The following RCL1 variants were observed in gnomAD, a reference collection of about 807,000 sequenced individuals.
RCL1 encodes RNA 3'-terminal phosphate cyclase-like protein.
RCL1 carries 24 observed loss-of-function variants against 42.4 expected under a neutral mutation model. The observed-to-expected ratio is 0.57, with a 90% confidence interval of 0.41 to 0.80. The LOEUF is 0.80. Among genes scored for constraint, RCL1 ranks in the 30% least tolerant of loss-of-function variants. The pLI, the probability that RCL1 is intolerant of heterozygous loss-of-function variation, is 0.00. For missense variants in RCL1, 578 were observed against 467.9 expected (o/e 1.24, Z -2.17); for synonymous variants, 228 against 177.3 (o/e 1.29, Z -2.27).
rs7860533 is a variant in RCL1 at position 4,856,791 on chromosome 9, T to G, written c.972-3334T>G. ...GAATTGGGGGATTTTTCTATGAGCA[T>G]CCAGCACTGACCAGAACTCCTGCCC... is the stretch of plus-strand genomic sequence containing the variant. On this transcript the variant is annotated intron_variant, in intron 8 of 8. Coordinates refer to ENST00000381750, the MANE Select transcript of RCL1 (RefSeq NM_005772.5). Among the ~76,000 whole-genome samples the G allele has an allele frequency of 1.9e-3, 288 of 152,332 alleles. 1 individual carries two copies. The highest frequency in any genetic ancestry group is 6.8e-3 in the African/African-American group (281 of 41,574).
intron 8 of RCL1, among the ~76,000 whole-genome samples, chr9:4,851,843 T>C (rs948745293): frequency 5.3e-5 from 8 of 151,846 alleles, no homozygotes; most frequent in African/African-American, 1.9e-4. Context: ...TGTTGGTGGT[T>C]TTCTGTGCTA....
At chr9:4,821,961 C>G (rs1347819547) in intron 1 of RCL1, among the ~76,000 whole-genome samples, 4 of 152,290 alleles carry the variant, frequency 2.6e-5, no homozygotes, top group Admixed American at 6.5e-5. Flanking sequence ...AGAGAACATT[C>G]AAACCATAGC....
intron 8 of RCL1, among the ~76,000 whole-genome samples, chr9:4,855,072 A>AAAAAAAAAC (rs56709677): frequency 3.6e-5 from 5 of 140,668 alleles, no homozygotes; most frequent in Admixed American, 1.5e-4. Flanking sequence ...AAAAAAAAAA[A>AAAAAAAAAC]ATAGGAAAAG....
At chr9:4,851,885 CTT>C (rs1214271046) in intron 8 of RCL1, among the ~76,000 whole-genome samples, 1 of 124,446 alleles carries the variant, frequency 8.0e-6, no homozygotes, top group Non-Finnish European at 1.6e-5. Flanking sequence ...GTGTGAAACT[CTT>C]TTTTTTTTTT....
At chr9:4,840,254 G>T (rs1817269502) in intron 5 of RCL1, among the ~76,000 whole-genome samples, 1 of 152,186 alleles carries the variant, frequency 6.6e-6, no homozygotes, top group African/African-American at 2.4e-5. Flanking sequence ...GCTGGATTGG[G>T]CAGATTATAT....
rs765010808 is a variant in RCL1, at chr9:4,834,234, C to T, written c.553C>T (p.Pro185Ser). Residue 185 changes from proline to serine, a missense_variant, in exon 5 of 9, where the codon CCA (proline) becomes TCA (serine). Transcript: ENST00000381750. ...CTTGAAGCCCATTCAACTCACAGATCCAGGAAAAATCAAACGTATTAGAGG... is the reference window on the plus strand; with the variant it reads ...CTTGAAGCCCATTCAACTCACAGATTCAGGAAAAATCAAACGTATTAGAGG... ...KVLKPIQLTD[P>S]GKIKRIRGMA... The T allele has an allele frequency of 5.0e-6, 8 of 1,613,276 alleles. No homozygotes were observed. Among genetic ancestry groups the T allele is most frequent in the Middle Eastern group, 1.7e-4 (1 of 6,058 alleles).
chr9:4,850,449 A>C (rs2129712262), intron 8 of RCL1: 2 of 314,214 alleles, frequency 6.4e-6, no homozygotes, highest in Middle Eastern at 9.5e-4. Flanking sequence ...GGGGGCATGA[A>C]AACCAGGAGC....
chr9:4,797,133 A>G (rs1344053396), intron 1 of RCL1, among the ~76,000 whole-genome samples: 1 of 152,164 alleles, frequency 6.6e-6, no homozygotes, highest in Non-Finnish European at 1.5e-5. Context: ...AAATTATTTT[A>G]ACTATTCTCT....
At chr9:4,798,544 A>G (rs538229676) in intron 1 of RCL1, among the ~76,000 whole-genome samples, 1 of 152,364 alleles carries the variant, frequency 6.6e-6, no homozygotes, top group Admixed American at 6.5e-5. Flanking sequence ...AGTTTTAATC[A>G]AAAGGGTCCT....
chr9:4,813,184 A>C (rs1170148358), intron 1 of RCL1, among the ~76,000 whole-genome samples: 2 of 152,202 alleles, frequency 1.3e-5, no homozygotes, highest in Non-Finnish European at 2.9e-5. Flanking sequence ...AATTTCCCCC[A>C]TTTGATCTAA....
chr9:4,848,463 G>T lies in RCL1; in HGVS notation c.868-984G>T, dbSNP rs1199470164. The stretch of plus-strand genomic sequence containing the variant: ...ATGCCTTAAAAAGGAGGCAGGGGCA[G>T]TTGTAGCCATATGAACCACACTGCT... On this transcript the variant is annotated intron_variant, in intron 7 of 8. Coordinates refer to ENST00000381750, the MANE Select transcript of RCL1 (RefSeq NM_005772.5). Among the ~76,000 whole-genome samples, 3 of 152,322 alleles carry T rather than the reference G, an allele frequency of 2.0e-5. No homozygotes were observed. In the East Asian group the frequency reaches 5.8e-4, roughly 29 times the overall value.
Position 4,860,167 on chromosome 9 carries a change from G to C in RCL1, c.1014G>C (p.Met338Ile). ...LRHLKSFFQI[M>I]FKIETKPCGE... The stretch of plus-strand genomic sequence containing the variant: ...ATTTGAAGAGCTTTTTCCAGATTAT[G>C]TTTAAAATTGAAACCAAGCCATGTG... The change falls in exon 9 of 9, where the codon ATG (methionine) becomes ATC (isoleucine). Residue 338 changes from methionine (M) to isoleucine (I), a missense_variant. Transcript: ENST00000381750. The C allele has an allele frequency of 1.9e-6, 3 of 1,606,668 alleles. No individual in the cohort carries two copies. The highest frequency in any genetic ancestry group is 2.5e-6 in the Non-Finnish European group (3 of 1,177,324).
intron 1 of RCL1, among the ~76,000 whole-genome samples, chr9:4,809,115 T>C (rs1012969983): frequency 6.6e-6 from 1 of 152,130 alleles, no homozygotes; most frequent in East Asian, 1.9e-4. Context: ...GTTTTTTTTT[T>C]AATGGCTACA....
chr9:4,860,342 A>AC lies in RCL1; in HGVS notation c.*69dup. 6.5e-7 allele frequency: 1 copy of AC among 1,538,344 alleles called. No individual in the cohort carries two copies. Among genetic ancestry groups the AC allele is most frequent in the Non-Finnish European group, 8.8e-7 (1 of 1,134,984 alleles). On this transcript the variant is annotated 3_prime_UTR_variant, in exon 9 of 9. Transcript: ENST00000381750. ...AGAAGCTGCCACGGACACCAATGGG[A>AC]CCAAGTCCAAATGGATTAATCCAGG...
intron 8 of RCL1, among the ~76,000 whole-genome samples, chr9:4,859,265 C>T (rs557323626): frequency 3.3e-5 from 5 of 152,318 alleles, no homozygotes; most frequent in East Asian, 1.9e-4. Flanking sequence ...CACACTTCCC[C>T]GGCCACCTTA....
At chr9:4,835,574 G>GTCC (rs1563847835) in intron 5 of RCL1, among the ~76,000 whole-genome samples, 12 of 152,266 alleles carry the variant, frequency 7.9e-5, no homozygotes, top group African/African-American at 2.9e-4. Context: ...TTGATGAAGC[G>GTCC]AGAGTCAGGG....
Position 4,793,190 on chromosome 9 carries a change from A to C in RCL1, c.99A>C (p.Arg33=). 6.2e-7 allele frequency: 1 copy of C among 1,609,432 alleles called. No homozygotes were observed. The highest frequency in any genetic ancestry group is 8.5e-7 in the Non-Finnish European group (1 of 1,177,942). Reference sequence around the variant, plus strand: ...TGAGCGGGCGCCCCGTCAAAATCCGAAAGATTCGGGCCAGAGACGACAACC... The same window carrying C: ...TGAGCGGGCGCCCCGTCAAAATCCGCAAGATTCGGGCCAGAGACGACAACC... The part of the protein sequence containing the change: ...STLSGRPVKI[R]KIRARDDNPG... Residue 33 remains arginine, a synonymous_variant, in exon 1 of 9, where the codon CGA becomes CGC. Transcript: ENST00000381750.
At chr9:4,810,816 G>T (rs933805661) in intron 1 of RCL1, among the ~76,000 whole-genome samples, 1 of 152,264 alleles carries the variant, frequency 6.6e-6, no homozygotes, top group East Asian at 1.9e-4. Flanking sequence ...AACCAGTTTT[G>T]TAGGTGTATT....
intron 1 of RCL1, among the ~76,000 whole-genome samples, chr9:4,820,004 A>C (rs973098488): frequency 7.2e-5 from 11 of 152,180 alleles, no homozygotes; most frequent in African/African-American, 2.2e-4. Flanking sequence ...CTTTGCTAAC[A>C]TCTGTACATC....
Sources: allele counts gnomAD v4.1 joint callset (sites outside exome capture counted in the v4.1 genomes callset), GRCh38; gene constraint gnomAD v4.1.1; transcripts MANE v1.5; gene names NCBI Gene and HGNC (gene_info 2026-07-23, HGNC 2026-07-21).